The following MNAT1 variants were observed in gnomAD, a reference collection of about 807,000 sequenced individuals.
MNAT1 encodes MNAT1 component of CDK activating kinase.
Under a neutral mutation model 42.0 loss-of-function variants are expected in MNAT1, and 43 were observed. That is an observed-to-expected ratio of 1.02 (90% CI 0.80 to 1.32). The LOEUF is 1.32. Among genes scored for constraint, MNAT1 ranks in the 40% most tolerant of loss-of-function variants. The pLI is 0.00. For synonymous variants in MNAT1, 118 were observed against 120.0 expected (o/e 0.98, Z 0.11); for missense variants, 306 against 350.4 (o/e 0.87, Z 1.01).
intron 7 of MNAT1, among the ~76,000 whole-genome samples, chr14:60,890,864 T>C (rs972496129): frequency 4.6e-5 from 7 of 152,294 alleles, no homozygotes; most frequent in African/African-American, 1.7e-4. Context: ...CTCTTGTTAG[T>C]CTCCTTTGGC....
At chr14:60,761,396 G>T (rs2030593950) in intron 1 of MNAT1, among the ~76,000 whole-genome samples, 1 of 152,122 alleles carries the variant, frequency 6.6e-6, no homozygotes. Context: ...GGAACTCTTT[G>T]AACAGTGTTC....
At chr14:60,812,812 C>G (rs2032594399) in intron 5 of MNAT1, among the ~76,000 whole-genome samples, 1 of 152,134 alleles carries the variant, frequency 6.6e-6, no homozygotes, top group Non-Finnish European at 1.5e-5. Flanking sequence ...TCTTCCTGTC[C>G]CCTCTCCAGC....
At chr14:60,948,067 C>A (rs2036315173) in intron 7 of MNAT1, among the ~76,000 whole-genome samples, 1 of 152,090 alleles carries the variant, frequency 6.6e-6, no homozygotes, top group African/African-American at 2.4e-5. Flanking sequence ...AGGTAAATTT[C>A]TAAAATTCAA....
intron 1 of MNAT1, among the ~76,000 whole-genome samples, chr14:60,741,506 C>T (rs950433504): frequency 2.0e-5 from 3 of 151,812 alleles, no homozygotes; most frequent in Non-Finnish European, 4.4e-5. Flanking sequence ...ATTACAGGCA[C>T]GGGCCACCAC....
intron 1 of MNAT1, among the ~76,000 whole-genome samples, chr14:60,766,283 G>A (rs1038986881): frequency 2.7e-5 from 4 of 150,598 alleles, no homozygotes; most frequent in Non-Finnish European, 5.9e-5. Flanking sequence ...GGAGGCGGAG[G>A]TTATAATGAG....
chr14:60,868,795 A>G (rs1466919259), intron 6 of MNAT1, among the ~76,000 whole-genome samples: 1 of 152,104 alleles, frequency 6.6e-6, no homozygotes, highest in African/African-American at 2.4e-5. Context: ...AAAAGCATCC[A>G]TTGACTGTAA....
intron 5 of MNAT1, among the ~76,000 whole-genome samples, chr14:60,816,592 T>C (rs1025229447): frequency 2.0e-5 from 3 of 152,106 alleles, no homozygotes; most frequent in Non-Finnish European, 2.9e-5. Context: ...TATTAAACAG[T>C]GTGCCTTCAG....
intron 6 of MNAT1, among the ~76,000 whole-genome samples, chr14:60,827,867 T>C (rs528303730): frequency 6.6e-6 from 1 of 152,298 alleles, no homozygotes; most frequent in South Asian, 2.1e-4. Context: ...TGTCTCCAGT[T>C]ATGTTATTTC....
Position 60,867,224 on chromosome 14 carries a change from G to A in MNAT1, c.688-12490G>A, listed in dbSNP as rs566403048. Among the ~76,000 whole-genome samples the A allele has an allele frequency of 1.4e-4, 22 of 152,066 alleles. 1 individual carries two copies. The highest frequency in any genetic ancestry group is 2.4e-4 in the Non-Finnish European group (16 of 67,950). The stretch of plus-strand genomic sequence containing the variant: ...TTTCAAGCATATCATGTGTATTTGA[G>A]TAGAACTGAACGTTGCTGAAGAGCT... On this transcript the variant is annotated intron_variant, in intron 6 of 7. Coordinates refer to ENST00000261245, the MANE Select transcript of MNAT1 (RefSeq NM_002431.4).
intron 1 of MNAT1, among the ~76,000 whole-genome samples, chr14:60,784,203 T>TTTTTTTG (rs1555374426): frequency 1.4e-5 from 2 of 145,266 alleles, no homozygotes; most frequent in Non-Finnish European, 3.0e-5. Flanking sequence ...TTTTTTTTTT[T>TTTTTTTG]AGTAGAGGCG....
intron 7 of MNAT1, among the ~76,000 whole-genome samples, chr14:60,890,634 C>T (rs909432025): frequency 6.6e-6 from 1 of 152,270 alleles, no homozygotes; most frequent in Non-Finnish European, 1.5e-5. Context: ...GTGCCCCTGG[C>T]AAACCACTGG....
At chr14:60,859,041 A>C (rs1475231176) in intron 6 of MNAT1, among the ~76,000 whole-genome samples, 5 of 152,230 alleles carry the variant, frequency 3.3e-5, no homozygotes, top group African/African-American at 9.6e-5. Context: ...AGAAAGTCTT[A>C]AGGGACAAGG....
At chr14:60,835,979 T>C (rs180705834) in intron 6 of MNAT1, among the ~76,000 whole-genome samples, 18 of 152,320 alleles carry the variant, frequency 1.2e-4, no homozygotes, top group Admixed American at 1.2e-3. Flanking sequence ...TTTGTTTCAT[T>C]AAATTGATCT....
chr14:60,879,763 A>C lies in MNAT1; in HGVS notation c.737A>C (p.Tyr246Ser). ...APIHKLEEAL[Y>S]EYQPLQIETY... ...ATTCACAAGCTTGAAGAAGCTCTGTATGAATACCAGCCACTGCAGATAGAG... is the reference window on the plus strand; with the variant it reads ...ATTCACAAGCTTGAAGAAGCTCTGTCTGAATACCAGCCACTGCAGATAGAG... The change falls in exon 7 of 8, where the codon TAT (tyrosine) becomes TCT (serine). Residue 246 changes from tyrosine (Y) to serine (S), a missense_variant. Tyr to Ser is a moderately radical substitution (Grantham distance 144). Transcript: ENST00000261245. The C allele has an allele frequency of 6.2e-7, 1 of 1,613,330 alleles. No individual in the cohort carries two copies. The highest frequency in any genetic ancestry group is 1.1e-5 in the South Asian group (1 of 91,050).
chr14:60,777,148 C>T (rs2031283711), intron 1 of MNAT1, among the ~76,000 whole-genome samples: 1 of 152,112 alleles, frequency 6.6e-6, no homozygotes, highest in Non-Finnish European at 1.5e-5. Flanking sequence ...CCATGCCCAG[C>T]CTTTGAATAG....
At chr14:60,801,201 AT>A in intron 3 of MNAT1, among the ~76,000 whole-genome samples, 2 of 152,204 alleles carry the variant, frequency 1.3e-5, no homozygotes, top group South Asian at 2.1e-4. Context: ...AGGCACCGAG[AT>A]AGAAAAATGT....
intron 1 of MNAT1, among the ~76,000 whole-genome samples, chr14:60,787,426 A>G (rs2031685872): frequency 1.3e-5 from 2 of 152,194 alleles, no homozygotes; most frequent in Admixed American, 1.3e-4. Context: ...TTGTGCTAGT[A>G]GAAGGTCTTG....
At chr14:60,764,652 T>C (rs1323624334) in intron 1 of MNAT1, among the ~76,000 whole-genome samples, 2 of 152,224 alleles carry the variant, frequency 1.3e-5, no homozygotes, top group African/African-American at 4.8e-5. Flanking sequence ...AAGATAATTC[T>C]CACATTCTGG....
intron 7 of MNAT1, among the ~76,000 whole-genome samples, chr14:60,896,670 A>G (rs2034963090): frequency 6.6e-6 from 1 of 152,082 alleles, no homozygotes; most frequent in Admixed American, 6.6e-5. Flanking sequence ...TATTTTTAGT[A>G]GAGACGGGGT....
Sources: gnomAD v4.1 joint callset for allele counts (sites outside exome capture counted in the v4.1 genomes callset) on GRCh38, gnomAD v4.1.1 for gene constraint, MANE v1.5 for transcripts, NCBI Gene and HGNC (gene_info 2026-07-23, HGNC 2026-07-21) for gene names.